LDB2: variants seen among roughly 807,000 people sequenced by gnomAD.
LDB2 encodes the protein LIM domain-binding protein 2.
LDB2 carries 12 observed loss-of-function variants against 44.3 expected under a neutral mutation model. That is an observed-to-expected ratio of 0.27 (90% CI 0.17 to 0.44). The LOEUF (loss-of-function observed/expected upper bound fraction) is 0.44. Among genes scored for constraint, LDB2 ranks in the 20% least tolerant of loss-of-function variants. The pLI, the probability that LDB2 is intolerant of heterozygous loss-of-function variation, is 1.00. For missense variants in LDB2, 344 were observed against 473.5 expected, an observed-to-expected ratio of 0.73 and a Z score of 2.54; for synonymous variants, 164 against 174.8, an observed-to-expected ratio of 0.94 and a Z score of 0.49.
At chr4:16,576,103 A>T (rs951112352) in intron 5 of LDB2, among the ~76,000 whole-genome samples, 8 of 152,222 alleles carry the variant, frequency 5.3e-5, no homozygotes, top group Non-Finnish European at 8.8e-5. Flanking sequence ...CAGTACTAAG[A>T]GGGAAGTTTA....
chr4:16,549,953 G>A (rs13113158), intron 5 of LDB2, among the ~76,000 whole-genome samples: 33,086 of 152,176 alleles, frequency 0.22, 4,522 homozygotes, highest in Non-Finnish European at 0.3. Flanking sequence ...ACCTAGACAC[G>A]TGGGTGATCA....
intron 2 of LDB2, among the ~76,000 whole-genome samples, chr4:16,696,466 G>T (rs1042516119): frequency 6.6e-6 from 1 of 152,098 alleles, no homozygotes; most frequent in East Asian, 1.9e-4. Flanking sequence ...ATATATAAAA[G>T]AAAAGGTCAG....
intron 2 of LDB2, among the ~76,000 whole-genome samples, chr4:16,757,892 A>G (rs1767008398): frequency 6.6e-6 from 1 of 152,134 alleles, no homozygotes; most frequent in Non-Finnish European, 1.5e-5. Context: ...AAGGTGCTCT[A>G]AACAGCCCAT....
chr4:16,767,612 A>C (rs1769648859), intron 1 of LDB2, among the ~76,000 whole-genome samples: 1 of 152,200 alleles, frequency 6.6e-6, no homozygotes, highest in South Asian at 2.1e-4. Flanking sequence ...TAAAAAGTGA[A>C]TTCTTTTCCC....
chr4:16,662,970 A>G (rs1215494079), intron 2 of LDB2, among the ~76,000 whole-genome samples: 1 of 151,182 alleles, frequency 6.6e-6, no homozygotes, highest in Non-Finnish European at 1.5e-5. Context: ...GAATGAGAAC[A>G]CTCCTTCCCC....
At chr4:16,622,698 T>C (rs984958761) in intron 2 of LDB2, among the ~76,000 whole-genome samples, 7 of 152,210 alleles carry the variant, frequency 4.6e-5, no homozygotes, top group Non-Finnish European at 8.8e-5. Context: ...TGCTTAATTT[T>C]CCCTGTTAAT....
chr4:16,553,319 A>T (rs142224104), intron 5 of LDB2, among the ~76,000 whole-genome samples: 1 of 149,588 alleles, frequency 6.7e-6, no homozygotes, highest in African/African-American at 2.5e-5. Context: ...TGCCCAGTTA[A>T]TTTTTTTTTT....
At position 16,672,690 on chromosome 4, in the gene LDB2, C is replaced by T. The variant is rs375429047; in HGVS notation, c.236-76815G>A. On this transcript the variant is annotated intron_variant, in intron 2 of 7. Transcript: ENST00000304523. ...CCAACATCAATGGAAACAGGGCCTG[C>T]GGATCTCTAATTAAACACAGTGCCT... Among the ~76,000 whole-genome samples, 78 of 152,034 alleles carry T rather than the reference C, an allele frequency of 5.1e-4. 1 individual carries two copies. The South Asian group carries it at 0.011, about 21-fold the overall frequency.
At chr4:16,833,544 C>CTTT (rs34692758) in intron 1 of LDB2, among the ~76,000 whole-genome samples, 4 of 129,852 alleles carry the variant, frequency 3.1e-5, no homozygotes, top group African/African-American at 8.9e-5. Context: ...ATCTTTTCCT[C>CTTT]TTTTTTTTTT....
intron 5 of LDB2, among the ~76,000 whole-genome samples, chr4:16,562,054 A>G (rs949219405): frequency 6.6e-6 from 1 of 152,234 alleles, no homozygotes; most frequent in Non-Finnish European, 1.5e-5. Flanking sequence ...CTTACATCTT[A>G]TACAAAAATT....
intron 2 of LDB2, among the ~76,000 whole-genome samples, chr4:16,722,074 T>C (rs886144747): frequency 2.0e-5 from 3 of 152,162 alleles, no homozygotes; most frequent in African/African-American, 7.2e-5. Context: ...TTCAGGTCTG[T>C]CAATAATTAC....
intron 2 of LDB2, among the ~76,000 whole-genome samples, chr4:16,749,005 A>C (rs1297102809): frequency 2.0e-5 from 3 of 152,228 alleles, no homozygotes; most frequent in Non-Finnish European, 4.4e-5. Context: ...CAGAAAGGTA[A>C]CACATGGGAA....
intron 1 of LDB2, among the ~76,000 whole-genome samples, chr4:16,854,215 T>C (rs1280909001): frequency 1.3e-5 from 2 of 152,122 alleles, no homozygotes; most frequent in Non-Finnish European, 2.9e-5. Context: ...TTTACTATAG[T>C]AGCCTTTATA....
At chr4:16,538,424 A>AAAAACAAAAACAAAACAAAACAAAAC (rs1732592524) in intron 5 of LDB2, among the ~76,000 whole-genome samples, 7 of 150,230 alleles carry the variant, frequency 4.7e-5, no homozygotes, top group African/African-American at 1.2e-4. Flanking sequence ...GCAAAAAAAC[A>AAAAACAAAAACAAAACAAAACAAAAC]AAAACAAAAA....
intron 7 of LDB2, among the ~76,000 whole-genome samples, chr4:16,504,691 A>G (rs1718651692): frequency 6.6e-6 from 1 of 152,182 alleles, no homozygotes; most frequent in African/African-American, 2.4e-5. Context: ...GCCACCACAG[A>G]GGCATGAATG....
chr4:16,564,051 C>T (rs1307929784), intron 5 of LDB2, among the ~76,000 whole-genome samples: 1 of 152,198 alleles, frequency 6.6e-6, no homozygotes, highest in Non-Finnish European at 1.5e-5. Context: ...CTCTTCCCCT[C>T]CCTCATTCTC....
At chr4:16,666,899 T>G (rs1743408345) in intron 2 of LDB2, among the ~76,000 whole-genome samples, 2 of 152,152 alleles carry the variant, frequency 1.3e-5, no homozygotes, top group African/African-American at 4.8e-5. Flanking sequence ...GAAAAAGACC[T>G]TATTCCCTCC....
At chr4:16,745,320 G>T (rs1239306829) in intron 2 of LDB2, among the ~76,000 whole-genome samples, 1 of 152,186 alleles carries the variant, frequency 6.6e-6, no homozygotes, top group African/African-American at 2.4e-5. Context: ...CAGAGACCCA[G>T]AGCCCAGGCG....
Position 16,512,080 on chromosome 4 carries a change from G to T in LDB2, c.640C>A (p.Gln214Lys). 1 of 1,613,020 alleles carries T rather than the reference G, an allele frequency of 6.2e-7. No individual in the cohort carries two copies. Among genetic ancestry groups the T allele is most frequent in the Non-Finnish European group, 8.5e-7 (1 of 1,179,380 alleles). ...LRLCVILEPMQELMSRHKTYN... is the reference protein window; with the variant it reads ...LRLCVILEPMKELMSRHKTYN... ...GTTTTATGTCTCGACATCAGTTCCTGCATTGGCTCCAATATTACACACAAC... is the reference window on the plus strand; with the variant it reads ...GTTTTATGTCTCGACATCAGTTCCTTCATTGGCTCCAATATTACACACAAC... The change falls in exon 6 of 8, where the codon CAG (glutamine) becomes AAG (lysine). Residue 214 changes from glutamine to lysine, a missense_variant. This residue lies in a region of LDB2 where 226 missense variants were observed against 270.1 expected (regional missense o/e 0.84). Coordinates refer to ENST00000304523, the MANE Select transcript of LDB2 (RefSeq NM_001290.5).
Sources: gnomAD v4.1 joint callset for allele counts (sites outside exome capture counted in the v4.1 genomes callset) on GRCh38, gnomAD v4.1.1 for gene constraint, gnomAD v4.1.1 regional missense constraint, MANE v1.5 for transcripts, NCBI Gene and HGNC (gene_info 2026-07-23, HGNC 2026-07-21) for gene names.